Variants in NOS1AP observed in about 807,000 individuals in gnomAD.
NOS1AP encodes the protein carboxyl-terminal PDZ ligand of neuronal nitric oxide synthase protein.
A neutral mutation model predicts 56.2 loss-of-function variants in NOS1AP; 21 were observed. The observed-to-expected ratio is 0.37, with a 90% confidence interval of 0.26 to 0.54. The LOEUF is 0.54. Ranked by LOEUF, NOS1AP falls within the 20% of genes least tolerant of loss-of-function variation. The probability of loss-of-function intolerance (pLI) is 0.84; values close to 1 mark genes in which losing one functional copy is unlikely to be tolerated. For missense variants in NOS1AP, 522 were observed against 657.8 expected (o/e 0.79, Z 2.26); for synonymous variants, 270 against 274.6 (o/e 0.98, Z 0.17).
chr1:162,077,350 GA>G lies in NOS1AP; in HGVS notation c.105+7079del, dbSNP rs994563494. On this transcript the variant is annotated intron_variant, in intron 1 of 9. Transcript: ENST00000361897. The stretch of plus-strand genomic sequence containing the variant: ...TCATTCCCTAGGAAGCAGACTCAGA[GA>G]AAAAAAAAAAGACCATCTTTTCATG... Among the ~76,000 whole-genome samples the G allele has an allele frequency of 2.8e-3, 404 of 145,632 alleles. 3 individuals are homozygous for G. Among genetic ancestry groups the G allele is most frequent in the African/African-American group, 9.3e-3 (368 of 39,652 alleles).
chr1:162,092,326 G>C (rs1692153240), intron 1 of NOS1AP, among the ~76,000 whole-genome samples: 1 of 152,190 alleles, frequency 6.6e-6, no homozygotes, highest in African/African-American at 2.4e-5. Flanking sequence ...ATAATTGAGG[G>C]AGAGAACAGA....
At chr1:162,201,805 T>C (rs770571996) in intron 2 of NOS1AP, among the ~76,000 whole-genome samples, 3 of 152,268 alleles carry the variant, frequency 2.0e-5, no homozygotes, top group Non-Finnish European at 4.4e-5. Flanking sequence ...CTGTTTGTTT[T>C]TTCTCTTGTA....
intron 2 of NOS1AP, among the ~76,000 whole-genome samples, chr1:162,254,257 CCTT>C (rs1298766478): frequency 1.8e-4 from 27 of 152,226 alleles, no homozygotes; most frequent in Non-Finnish European, 2.6e-4. Context: ...AACTGCAAGG[CCTT>C]CTTCTTGTAT....
At chr1:162,273,043 G>C (rs990652155) in intron 2 of NOS1AP, among the ~76,000 whole-genome samples, 18 of 152,096 alleles carry the variant, frequency 1.2e-4, no homozygotes, top group Non-Finnish European at 2.5e-4. Context: ...CCAGTGCCTG[G>C]ACTGGCTGTG....
intron 5 of NOS1AP, among the ~76,000 whole-genome samples, chr1:162,336,791 C>A (rs1656954264): frequency 6.6e-6 from 1 of 152,218 alleles, no homozygotes; most frequent in Non-Finnish European, 1.5e-5. Flanking sequence ...TGAAAGGCAT[C>A]TCAGGAGTGC....
intron 2 of NOS1AP, among the ~76,000 whole-genome samples, chr1:162,162,776 G>A (rs1005690900): frequency 4.6e-5 from 7 of 151,980 alleles, no homozygotes; most frequent in African/African-American, 1.5e-4. Context: ...CATTTGGAAC[G>A]CTTCTTTGGG....
At chr1:162,355,599 A>G (rs997177234) in intron 7 of NOS1AP, among the ~76,000 whole-genome samples, 1 of 151,914 alleles carries the variant, frequency 6.6e-6, no homozygotes, top group African/African-American at 2.4e-5. Flanking sequence ...AATCCCACCA[A>G]TATTTGGTCT....
chr1:162,276,182 C>T (rs1355484284), intron 2 of NOS1AP, among the ~76,000 whole-genome samples: 1 of 152,172 alleles, frequency 6.6e-6, no homozygotes, highest in African/African-American at 2.4e-5. Flanking sequence ...TGGGTTATGG[C>T]ACTTTGCTAT....
In NOS1AP at chr1:162,261,552, A is replaced by AGAGGAGAGAGC. The variant is rs1654241134; in HGVS notation, c.178-25792_178-25791insGAGGAGAGAGC. ...AGAGAGAGAGAGAGAGAGAGCAATGAAATGACTGGAACAGAGGAAAAGGTG... is the reference window on the plus strand; with the variant it reads ...AGAGAGAGAGAGAGAGAGAGCAATGAGAGGAGAGAGCAATGACTGGAACAGAGGAAAAGGTG... On this transcript the variant is annotated intron_variant, in intron 2 of 9. Transcript: ENST00000361897. 1.8e-4 allele frequency among the ~76,000 whole-genome samples: 9 copies of AGAGGAGAGAGC among 48,676 alleles called. 2 individuals carry two copies. The highest frequency in any genetic ancestry group is 4.2e-4 in the Non-Finnish European group (5 of 12,016). The allele number at this position is 48,676 out of a possible 152,430, so 31.9% of individuals were successfully genotyped here.
Position 162,367,398 on chromosome 1 carries a change from G to A in NOS1AP, c.1452G>A (p.Leu484=). The change falls in exon 10 of 10, where the codon CTG becomes CTA. Residue 484 remains leucine (L), a synonymous_variant. Transcript: ENST00000361897. This position sits in a 1 kb window ranked among gnomAD's most constrained non-coding sequence, Gnocchi z 6.5. ...GCGACTCGTGGTCCCAGGAGGAGCT[G>A]CCGCGCCTGCTGAATGTCCTGCAGA... ...EERDSWSQEE[L]PRLLNVLQRQ... The A allele has an allele frequency of 6.3e-7, 1 of 1,599,942 alleles. No homozygotes were observed. Among genetic ancestry groups the A allele is most frequent in the Non-Finnish European group, 8.5e-7 (1 of 1,172,052 alleles).
chr1:162,324,303 C>T (rs1212133643), intron 4 of NOS1AP, among the ~76,000 whole-genome samples: 3 of 151,742 alleles, frequency 2.0e-5, no homozygotes, highest in Admixed American at 6.6e-5. Flanking sequence ...TGGTTTTTGA[C>T]AGCCAATAGC....
At chr1:162,273,714 A>G (rs921639367) in intron 2 of NOS1AP, among the ~76,000 whole-genome samples, 2 of 152,192 alleles carry the variant, frequency 1.3e-5, no homozygotes, top group Non-Finnish European at 2.9e-5. Context: ...TTGGGGGTAT[A>G]GTATTATGAA....
chr1:162,268,817 CAAA>C (rs1557857226), intron 2 of NOS1AP, among the ~76,000 whole-genome samples: 1 of 151,368 alleles, frequency 6.6e-6, no homozygotes, highest in East Asian at 1.9e-4. Flanking sequence ...AAGAAGAAAA[CAAA>C]AAATTAGAAT....
intron 2 of NOS1AP, among the ~76,000 whole-genome samples, chr1:162,222,034 A>G (rs991809739): frequency 6.6e-6 from 1 of 152,230 alleles, no homozygotes; most frequent in Non-Finnish European, 1.5e-5. Flanking sequence ...TTGAATAAAA[A>G]ATGTTGCAAT....
intron 2 of NOS1AP, among the ~76,000 whole-genome samples, chr1:162,192,532 A>G (rs1484219080): frequency 6.6e-6 from 1 of 152,156 alleles, no homozygotes; most frequent in Non-Finnish European, 1.5e-5. Flanking sequence ...AAGAAGAAAG[A>G]GGCTTGAAGA....
intron 2 of NOS1AP, among the ~76,000 whole-genome samples, chr1:162,258,004 G>T (rs1557852088): frequency 2.0e-5 from 3 of 151,770 alleles, no homozygotes; most frequent in East Asian, 1.9e-4. Context: ...GCCATAAATT[G>T]TCTCTTGGCT....
Position 162,136,667 on chromosome 1 carries a change from C to T in NOS1AP, c.106-17738C>T, listed in dbSNP as rs1307921767. Among the ~76,000 whole-genome samples the T allele has an allele frequency of 2.6e-5, 4 of 152,168 alleles. No homozygotes were observed. In the East Asian group the frequency reaches 7.7e-4, roughly 29 times the overall value. On this transcript the variant is annotated intron_variant, in intron 1 of 9. Coordinates refer to ENST00000361897, the MANE Select transcript of NOS1AP (RefSeq NM_014697.3). Reference sequence around the variant, plus strand: ...GGTGGGTAAATAGGGTACTCTCTACCTTTCATGACAGGAAATTCAATGTCA... The same window carrying T: ...GGTGGGTAAATAGGGTACTCTCTACTTTTCATGACAGGAAATTCAATGTCA...
intron 3 of NOS1AP, among the ~76,000 whole-genome samples, chr1:162,299,600 A>T (rs1370443167): frequency 6.6e-6 from 1 of 152,182 alleles, no homozygotes; most frequent in Non-Finnish European, 1.5e-5. Context: ...CAATTATAGG[A>T]AGGTATCTTT....
chr1:162,141,425 C>T (rs1159855873), intron 1 of NOS1AP, among the ~76,000 whole-genome samples: 1 of 152,192 alleles, frequency 6.6e-6, no homozygotes, highest in African/African-American at 2.4e-5. Context: ...AACTTAGTGA[C>T]CTTGAGCAAG....
Sources: allele counts gnomAD v4.1 joint callset (sites outside exome capture counted in the v4.1 genomes callset), GRCh38; gene constraint gnomAD v4.1.1; non-coding constraint Gnocchi (gnomAD v3.1); transcripts MANE v1.5; gene names NCBI Gene and HGNC (gene_info 2026-07-23, HGNC 2026-07-21).